The following NFU1 variants were observed in gnomAD, a reference collection of about 807,000 sequenced individuals.
NFU1 encodes NFU1 iron-sulfur cluster scaffold homolog, mitochondrial.
In NFU1, 30 loss-of-function variants were observed where a neutral mutation model predicts 32.2. The observed-to-expected ratio is 0.93, with a 90% confidence interval of 0.70 to 1.26. The LOEUF (loss-of-function observed/expected upper bound fraction) is 1.26. Ranked by LOEUF, NFU1 falls within the 50% of genes most tolerant of loss-of-function variation. The pLI is 0.00. For missense variants in NFU1, 306 were observed against 306.6 expected (o/e 1.00, Z 0.02); for synonymous variants, 112 against 104.6 (o/e 1.07, Z -0.43).
intron 4 of NFU1, among the ~76,000 whole-genome samples, chr2:69,418,718 C>T (rs1673142169): frequency 6.6e-6 from 1 of 151,920 alleles, no homozygotes; most frequent in African/African-American, 2.4e-5. Context: ...ATCTGCCCAC[C>T]TCGGCCTCCC....
At chr2:69,433,739 A>G (rs1201532289) in intron 1 of NFU1, among the ~76,000 whole-genome samples, 2 of 151,932 alleles carry the variant, frequency 1.3e-5, no homozygotes, top group African/African-American at 4.8e-5. Flanking sequence ...GCCTCCCAAA[A>G]TGCTGGGATT....
intron 6 of NFU1, among the ~76,000 whole-genome samples, chr2:69,405,521 C>A (rs1218289573): frequency 1.3e-5 from 2 of 152,188 alleles, no homozygotes; most frequent in African/African-American, 4.8e-5. Flanking sequence ...TTTGCTTGCT[C>A]TGGCAGCTAT....
chr2:69,419,725 C>A, intron 3 of NFU1, 121 bp from the exon 4 acceptor site: 1 of 672,700 alleles, frequency 1.5e-6, no homozygotes, highest in South Asian at 1.7e-5. Flanking sequence ...TAACAATGAT[C>A]AACTCATGGC....
At chr2:69,413,844 C>A (rs941262790) in intron 5 of NFU1, among the ~76,000 whole-genome samples, 1 of 151,766 alleles carries the variant, frequency 6.6e-6, no homozygotes, top group African/African-American at 2.4e-5. Context: ...GTCTGGAGTT[C>A]AAGACCAGCC....
At chr2:69,403,494 A>C (rs1672591791) in intron 6 of NFU1, among the ~76,000 whole-genome samples, 1 of 151,814 alleles carries the variant, frequency 6.6e-6, no homozygotes, top group African/African-American at 2.4e-5. Context: ...GGGCTCAAGC[A>C]ATCTTCCCGC....
chr2:69,409,205 T>C (rs1558818546), intron 5 of NFU1, among the ~76,000 whole-genome samples: 1 of 152,142 alleles, frequency 6.6e-6, no homozygotes, highest in Admixed American at 6.6e-5. Flanking sequence ...GGTTTACATA[T>C]GGATCCATAA....
intron 2 of NFU1, among the ~76,000 whole-genome samples, chr2:69,426,528 C>T (rs913406076): frequency 1.3e-5 from 2 of 151,894 alleles, no homozygotes; most frequent in South Asian, 2.1e-4. Context: ...TCAGGTGATC[C>T]GCCTGCCTTG....
At chr2:69,422,633 T>A (rs1003286262) in intron 3 of NFU1, among the ~76,000 whole-genome samples, 1 of 152,110 alleles carries the variant, frequency 6.6e-6, no homozygotes, top group South Asian at 2.1e-4. Flanking sequence ...TAAGTAAAAA[T>A]ATAAGTTTTT....
rs1344373969 is a variant in NFU1, at chr2:69,427,678, T to C, written c.167-3961A>G. On this transcript the variant is annotated intron_variant, in intron 2 of 7. Transcript: ENST00000410022. ...CTGGGTGACAGAGTGACACTCAGTC[T>C]CAAAAAAAAAAAAAAAAAAAAGGCC... Among the ~76,000 whole-genome samples, 3 of 78,562 alleles carry C rather than the reference T, an allele frequency of 3.8e-5. No individual in the cohort carries two copies. In the Admixed American group the frequency reaches 4.9e-4, roughly 13 times the overall value. The allele number at this position is 78,562 out of a possible 152,430, so 51.5% of individuals were successfully genotyped here.
rs1380019624 is a variant in NFU1 at position 69,406,222 on chromosome 2, G to A, written c.485-140C>T. On this transcript the variant is annotated intron_variant, in intron 5 of 7. Coordinates refer to ENST00000410022, the MANE Select transcript of NFU1 (RefSeq NM_001002755.4). ...GAAAGAACATGTAACTTGGTATGGA[G>A]ATATATTTTGGGAAATTGATGACAG... The A allele has an allele frequency of 4.9e-6, 3 of 610,604 alleles. No individual in the cohort carries two copies. In the Middle Eastern group the frequency reaches 1.1e-3, roughly 214 times the overall value. 37.8% of individuals were successfully genotyped at this position (610,604 alleles called of 1,614,324 possible).
chr2:69,411,106 T>C (rs1574123596), intron 5 of NFU1: 2 of 152,136 alleles, frequency 1.3e-5, no homozygotes, highest in South Asian at 4.1e-4. Flanking sequence ...TATAATATTA[T>C]AAATTCATGA....
intron 4 of NFU1, among the ~76,000 whole-genome samples, chr2:69,418,382 G>A (rs377249559): frequency 2.0e-5 from 3 of 152,266 alleles, no homozygotes; most frequent in South Asian, 4.1e-4. Flanking sequence ...CCTGGGTGTG[G>A]AGTGAGACTT....
Position 69,396,288 on chromosome 2 carries a change from A to T in NFU1, c.723T>A (p.Val241=), listed in dbSNP as rs1175552666. The T allele has an allele frequency of 6.3e-7, 1 of 1,595,956 alleles. No individual in the cohort carries two copies. Among genetic ancestry groups the T allele is most frequent in the Non-Finnish European group, 8.5e-7 (1 of 1,172,482 alleles). Residue 241 remains valine, a splice_region_variant and synonymous_variant, in exon 8 of 8, where the codon GTT becomes GTA. Coordinates refer to ENST00000410022, the MANE Select transcript of NFU1 (RefSeq NM_001002755.4). ...CTTTTTCATCTGATTCATCATCCAT[A>T]ACCTAAAACCAAAAAACAAAGACAA... The part of the protein sequence containing the change: ...YIPEVEGVEQ[V]MDDESDEKEA...
intron 3 of NFU1, 101 bp downstream of exon 3, chr2:69,423,481 A>C: frequency 9.7e-7 from 1 of 1,034,800 alleles, no homozygotes; most frequent in African/African-American, 1.6e-5. Context: ...AAAAAAATGC[A>C]GTGCACATAG....
chr2:69,418,274 C>A (rs951460331), intron 4 of NFU1, among the ~76,000 whole-genome samples: 1 of 152,078 alleles, frequency 6.6e-6, no homozygotes, highest in Non-Finnish European at 1.5e-5. Flanking sequence ...GTGGTATGCA[C>A]GTATAGTCCC....
chr2:69,439,521 AAAG>A (rs1022571051), upstream of NFU1, among the ~76,000 whole-genome samples: 2 of 152,214 alleles, frequency 1.3e-5, no homozygotes, highest in Admixed American at 1.3e-4. Context: ...ACAAAGAGCA[AAAG>A]AACAAAGCTT....
Position 69,431,888 on chromosome 2 carries a change from A to G in NFU1, c.166+14T>C, listed in dbSNP as rs1413990809. 1 of 1,513,866 alleles carries G rather than the reference A, an allele frequency of 6.6e-7. No homozygotes were observed. The highest frequency in any genetic ancestry group is 2.3e-5 in the East Asian group (1 of 44,390). 93.8% of individuals were successfully genotyped at this position (1,513,866 alleles called of 1,614,324 possible). On this transcript the variant is annotated intron_variant, in intron 2 of 7. Coordinates refer to ENST00000410022, the MANE Select transcript of NFU1 (RefSeq NM_001002755.4). ...TTCTGAAACACAACTGCTATAAAAGAGGTGAAATTTTACCTGGGTGATAAA... is the reference window on the plus strand; with the variant it reads ...TTCTGAAACACAACTGCTATAAAAGGGGTGAAATTTTACCTGGGTGATAAA...
intron 1 of NFU1, among the ~76,000 whole-genome samples, chr2:69,434,368 T>C (rs1292234618): frequency 2.0e-5 from 3 of 148,972 alleles, no homozygotes; most frequent in Non-Finnish European, 4.5e-5. Context: ...GGTCTTGAAC[T>C]CCTGACCTCA....
chr2:69,438,319 C>G (rs1673928256), upstream of NFU1, among the ~76,000 whole-genome samples: 1 of 151,610 alleles, frequency 6.6e-6, no homozygotes, highest in Non-Finnish European at 1.5e-5. Flanking sequence ...GGAGTGCGAT[C>G]ATAGCTCACC....
Sources: gnomAD v4.1 joint callset for allele counts (sites outside exome capture counted in the v4.1 genomes callset) on GRCh38, gnomAD v4.1.1 for gene constraint, MANE v1.5 for transcripts, NCBI Gene and HGNC (gene_info 2026-07-23, HGNC 2026-07-21) for gene names.